Variants in FAM227B observed in about 807,000 individuals in gnomAD.
FAM227B encodes the protein protein FAM227B.
FAM227B carries 88 observed loss-of-function variants against 73.8 expected under a neutral mutation model. The ratio of observed to expected loss-of-function variants is 1.19; its 90% confidence interval spans 1.00 to 1.42. FAM227B has a LOEUF of 1.42. Ranked by LOEUF, FAM227B falls within the 40% of genes most tolerant of loss-of-function variation. FAM227B has a pLI of 0.00. For missense variants in FAM227B, 632 were observed against 590.9 expected, an observed-to-expected ratio of 1.07 and a Z score of -0.72; for synonymous variants, 210 against 190.5, an observed-to-expected ratio of 1.10 and a Z score of -0.84.
intron 9 of FAM227B, among the ~76,000 whole-genome samples, chr15:49,558,624 T>C (rs1938758404): frequency 6.6e-6 from 1 of 152,102 alleles, no homozygotes; most frequent in Admixed American, 6.5e-5. Flanking sequence ...GTTTCCACCA[T>C]CTAAGCATTT....
rs544506026 is a variant in FAM227B at position 49,499,001 on chromosome 15, C to T, written c.1012+9210G>A. ...CTAAAACGGTGAAACCCCGTCTCTA[C>T]TAAAAATACAAAAAATTAGCCGGGC... On this transcript the variant is annotated intron_variant, in intron 11 of 15. Coordinates refer to ENST00000299338, the MANE Select transcript of FAM227B (RefSeq NM_152647.3). 2.8e-4 allele frequency among the ~76,000 whole-genome samples: 43 copies of T among 151,090 alleles called. No individual in the cohort carries two copies. The South Asian group carries it at 9.0e-3, about 32-fold the overall frequency.
intron 3 of FAM227B, among the ~76,000 whole-genome samples, chr15:49,610,543 T>C (rs1286321634): frequency 6.6e-6 from 1 of 152,078 alleles, no homozygotes; most frequent in African/African-American, 2.4e-5. Flanking sequence ...TATTTACATT[T>C]AAGCATAAAT....
intron 10 of FAM227B, among the ~76,000 whole-genome samples, chr15:49,521,892 T>C (rs894264272): frequency 1.3e-5 from 2 of 152,076 alleles, no homozygotes; most frequent in Admixed American, 1.3e-4. Flanking sequence ...CTCAGCACAT[T>C]CAACCATGAA....
At chr15:49,565,021 T>C (rs1277962163) in intron 9 of FAM227B, among the ~76,000 whole-genome samples, 1 of 152,150 alleles carries the variant, frequency 6.6e-6, no homozygotes, top group African/African-American at 2.4e-5. Flanking sequence ...ATAAAAAGTA[T>C]ATTTTTAAGT....
At chr15:49,499,869 CCTAAAAGTAAGAG>C (rs2057994955) in intron 11 of FAM227B, among the ~76,000 whole-genome samples, 1 of 151,990 alleles carries the variant, frequency 6.6e-6, no homozygotes, top group African/African-American at 2.4e-5. Flanking sequence ...GAATTAGAGA[CCTAAAAGTAAGAG>C]CTACAACTCT....
chr15:49,484,813 A>C (rs2056271057), intron 11 of FAM227B: 1 of 200,514 alleles, frequency 5.0e-6, no homozygotes, highest in Admixed American at 5.8e-5. Context: ...TACCCTTAAG[A>C]GTATGTTAGA....
chr15:49,508,580 A>T (rs1376643684), intron 10 of FAM227B, among the ~76,000 whole-genome samples: 1 of 152,038 alleles, frequency 6.6e-6, no homozygotes. Flanking sequence ...TATATGTTAC[A>T]GTGTTGGTAA....
chr15:49,332,550 C>G (rs1366603353), intron 14 of FAM227B, among the ~76,000 whole-genome samples: 1 of 151,898 alleles, frequency 6.6e-6, no homozygotes, highest in African/African-American at 2.4e-5. Flanking sequence ...AGGGGAGAAG[C>G]AATGGTAGCT....
chr15:49,464,780 A>G (rs1480800779), intron 11 of FAM227B, among the ~76,000 whole-genome samples: 1 of 152,198 alleles, frequency 6.6e-6, no homozygotes, highest in East Asian at 1.9e-4. Context: ...CCGTGTAAAC[A>G]GTGTGGTGCA....
intron 11 of FAM227B, among the ~76,000 whole-genome samples, chr15:49,387,764 T>C (rs1204459082): frequency 1.3e-5 from 2 of 151,784 alleles, no homozygotes; most frequent in East Asian, 3.9e-4. Context: ...TTAGATTTAA[T>C]AAACGAATTC....
rs914818775 is a variant in FAM227B, at chr15:49,620,807, C to T, written c.-180G>A. On this transcript the variant is annotated 5_prime_UTR_variant, in exon 1 of 16. Coordinates refer to ENST00000299338, the MANE Select transcript of FAM227B (RefSeq NM_152647.3). ...AAGGCTGCGAGGCTTGAGGCGGGTC[C>T]CGGACGAACGCGGCCCTGCCCCTCG... The T allele has an allele frequency of 1.3e-5, 2 of 152,182 alleles. No individual in the cohort carries two copies. The highest frequency in any genetic ancestry group is 4.8e-5 in the African/African-American group (2 of 41,432). The allele number at this position is 152,182 out of a possible 1,614,324, so 9.4% of individuals were successfully genotyped here.
chr15:49,615,114 TCCTTAC>T lies in FAM227B; in HGVS notation c.51+1_51+6del. 6.2e-7 allele frequency: 1 copy of T among 1,613,406 alleles called. No individual in the cohort carries two copies. The highest frequency in any genetic ancestry group is 8.5e-7 in the Non-Finnish European group (1 of 1,179,330). On this transcript the variant is annotated splice_donor_variant and splice_donor_5th_base_variant and intron_variant, in intron 2 of 15. Coordinates refer to ENST00000299338, the MANE Select transcript of FAM227B (RefSeq NM_152647.3). LOFTEE classifies it high-confidence loss of function. ...AAGTGAACATAAAGCTGTGGAAGCT[TCCTTAC>T]CCCGGGGCCAGCTCTGCTGCTCCTC... is the stretch of plus-strand genomic sequence containing the variant.
chr15:49,524,711 T>A (rs192520574), intron 10 of FAM227B, among the ~76,000 whole-genome samples: 2 of 152,156 alleles, frequency 1.3e-5, no homozygotes, highest in East Asian at 1.9e-4. Flanking sequence ...AGGAGGGATA[T>A]ACCCTGCAAA....
chr15:49,560,563 A>G (rs369270962), intron 9 of FAM227B, among the ~76,000 whole-genome samples: 36 of 152,332 alleles, frequency 2.4e-4, no homozygotes, highest in African/African-American at 8.4e-4. Context: ...AATACCATGA[A>G]GGCATATAGT....
intron 11 of FAM227B, chr15:49,489,277 A>G: frequency 1.0e-6 from 1 of 985,010 alleles, no homozygotes; most frequent in Non-Finnish European, 1.2e-6. Flanking sequence ...GGGTCTAATA[A>G]GAGTAATTCA....
At chr15:49,330,517 T>C (rs1055020155) in intron 15 of FAM227B, 2 of 152,166 alleles carry the variant, frequency 1.3e-5, no homozygotes, top group Admixed American at 1.3e-4. Flanking sequence ...AGGGCATCAA[T>C]GAACTAGGGC....
intron 10 of FAM227B, among the ~76,000 whole-genome samples, chr15:49,522,889 C>A (rs1371421489): frequency 6.6e-6 from 1 of 152,108 alleles, no homozygotes. Context: ...GAAAATTTCC[C>A]TGATCTTGCT....
At chr15:49,396,038 G>A (rs1204395200) in intron 11 of FAM227B, 9 of 453,848 alleles carry the variant, frequency 2.0e-5, no homozygotes, top group Non-Finnish European at 4.0e-5. Flanking sequence ...AGCTCCCAGC[G>A]TGAGCGACGC....
rs147544882 is a variant in FAM227B, at chr15:49,345,934, T to G, written c.1272-10438A>C. The stretch of plus-strand genomic sequence containing the variant: ...GTGTGTGAGAGACTCAGGAAAAGAA[T>G]GGCCCAGGGGCAAATTTCGTACTTA... On this transcript the variant is annotated intron_variant, in intron 13 of 15. Transcript: ENST00000299338. 1.9e-3 allele frequency among the ~76,000 whole-genome samples: 290 copies of G among 152,256 alleles called. 2 individuals carry two copies. The highest frequency in any genetic ancestry group is 6.5e-3 in the African/African-American group (269 of 41,544).
Sources: gnomAD v4.1 joint callset for allele counts (sites outside exome capture counted in the v4.1 genomes callset) on GRCh38, gnomAD v4.1.1 for gene constraint, MANE v1.5 for transcripts, NCBI Gene and HGNC (gene_info 2026-07-23, HGNC 2026-07-21) for gene names.